The following PLAA variants were observed in gnomAD, a reference collection of about 807,000 sequenced individuals.
PLAA encodes phospholipase A-2-activating protein.
PLAA carries 48 observed loss-of-function variants against 84.1 expected under a neutral mutation model. That is an observed-to-expected ratio of 0.57 (90% CI 0.45 to 0.73). PLAA has a LOEUF of 0.73. Among genes scored for constraint, PLAA ranks in the 30% least tolerant of loss-of-function variants. PLAA has a pLI of 0.00. For missense variants in PLAA, 903 were observed against 954.7 expected (o/e 0.95, Z 0.71); for synonymous variants, 392 against 336.6 (o/e 1.16, Z -1.80).
At chr9:26,909,775 C>A (rs1824343363) in intron 12 of PLAA, among the ~76,000 whole-genome samples, 1 of 152,120 alleles carries the variant, frequency 6.6e-6, no homozygotes. Flanking sequence ...AGGCGCCCAC[C>A]ACCACGCCCG....
chr9:26,941,606 C>A (rs73433937), intron 1 of PLAA, among the ~76,000 whole-genome samples: 10,450 of 151,986 alleles, frequency 0.069, 402 homozygotes, highest in Middle Eastern at 0.15. Context: ...GAGAAAAAAA[C>A]CAATATGGAG....
At chr9:26,907,459 G>A (rs1824272349) in intron 13 of PLAA, among the ~76,000 whole-genome samples, 2 of 111,744 alleles carry the variant, frequency 1.8e-5, no homozygotes, top group Non-Finnish European at 3.7e-5. Context: ...AACCCGGGAG[G>A]CGGAGCTTGC....
chr9:26,922,139 T>G (rs948128293), intron 7 of PLAA, among the ~76,000 whole-genome samples: 1 of 152,210 alleles, frequency 6.6e-6, no homozygotes, highest in Non-Finnish European at 1.5e-5. Context: ...CACCACAGTA[T>G]TTTGACTTAC....
intron 1 of PLAA, among the ~76,000 whole-genome samples, chr9:26,939,426 TATAAATAA>T (rs1196552610): frequency 1.8e-5 from 2 of 112,528 alleles, no homozygotes; most frequent in African/African-American, 6.8e-5. Flanking sequence ...TAAACAAACA[TATAAATAA>T]ATAAATCAAC....
At chr9:26,911,240 C>T (rs1824389362) in intron 11 of PLAA, among the ~76,000 whole-genome samples, 1 of 152,130 alleles carries the variant, frequency 6.6e-6, no homozygotes, top group African/African-American at 2.4e-5. Context: ...GCAATCTCCA[C>T]CTCCTGAGTT....
At chr9:26,936,873 G>A (rs915966461) in intron 1 of PLAA, among the ~76,000 whole-genome samples, 3 of 152,152 alleles carry the variant, frequency 2.0e-5, no homozygotes, top group Non-Finnish European at 2.9e-5. Flanking sequence ...GGGCACAGTG[G>A]CTCATGCGTG....
Position 26,917,105 on chromosome 9 carries a change from G to C in PLAA, c.1478C>G (p.Pro493Arg). The C allele has an allele frequency of 6.2e-7, 1 of 1,613,356 alleles. No homozygotes were observed. Among genetic ancestry groups the C allele is most frequent in the Non-Finnish European group, 8.5e-7 (1 of 1,179,402 alleles). Reference protein sequence around the residue: ...GSSNTLPTADPFTGAGRYVPG... With the variant: ...GSSNTLPTADRFTGAGRYVPG... The stretch of plus-strand genomic sequence containing the variant: ...TCAAAACTACATCCCACCTGTAAAA[G>C]GATCTGCTGTGGGTAGTGTGTTAGA... Residue 493 changes from proline (P) to arginine (R), a missense_variant, in exon 10 of 14, where the codon CCT becomes CGT. Transcript: ENST00000397292.
Position 26,905,422 on chromosome 9 carries a change from CTCTT to C in PLAA, c.*85_*88del, listed in dbSNP as rs1257384814. The C allele has an allele frequency of 2.0e-6, 2 of 1,021,778 alleles. No individual in the cohort carries two copies. Among genetic ancestry groups the C allele is most frequent in the Non-Finnish European group, 1.4e-6 (1 of 693,616 alleles). The allele number at this position is 1,021,778 out of a possible 1,614,324, so 63.3% of individuals were successfully genotyped here. A position where few individuals can be genotyped will look rare whatever the true frequency, so the allele number is the denominator to read the frequency against. On this transcript the variant is annotated 3_prime_UTR_variant, in exon 14 of 14. Coordinates refer to ENST00000397292, the MANE Select transcript of PLAA (RefSeq NM_001031689.3). Reference sequence around the variant, plus strand: ...AAAATTTTACTTAATCCACCGTATTCTCTTTTTTTAATTATCTGTTATCAGTCAT... The same window carrying C: ...AAAATTTTACTTAATCCACCGTATTCTTTTTAATTATCTGTTATCAGTCAT...
At chr9:26,918,932 C>T (rs1824663392) in intron 9 of PLAA, among the ~76,000 whole-genome samples, 1 of 152,070 alleles carries the variant, frequency 6.6e-6, no homozygotes, top group Non-Finnish European at 1.5e-5. Flanking sequence ...TAAAACTACC[C>T]ATAGGGTTCA....
At chr9:26,941,114 T>C (rs1450201104) in intron 1 of PLAA, among the ~76,000 whole-genome samples, 1 of 147,270 alleles carries the variant, frequency 6.8e-6, no homozygotes, top group Non-Finnish European at 1.5e-5. Context: ...TAGCATTAAG[T>C]ATTTCTTAAA....
At chr9:26,943,131 C>T (rs1225942433) in intron 1 of PLAA, among the ~76,000 whole-genome samples, 1 of 152,068 alleles carries the variant, frequency 6.6e-6, no homozygotes, top group Non-Finnish European at 1.5e-5. Flanking sequence ...CTCTCCCCAC[C>T]CAGAAGTCAA....
intron 7 of PLAA, among the ~76,000 whole-genome samples, chr9:26,921,312 T>G (rs1200837487): frequency 6.6e-6 from 1 of 152,202 alleles, no homozygotes; most frequent in African/African-American, 2.4e-5. Flanking sequence ...CATGCTCTTC[T>G]TCCATTAGAT....
chr9:26,926,322 C>A, intron 5 of PLAA, 71 bp downstream of exon 5: 1 of 965,286 alleles, frequency 1.0e-6, no homozygotes, highest in Non-Finnish European at 1.6e-6. Context: ...GCTCTCCTCC[C>A]TCCATCTCAC....
chr9:26,945,541 G>C (rs1324865887), intron 1 of PLAA, among the ~76,000 whole-genome samples: 1 of 152,172 alleles, frequency 6.6e-6, no homozygotes, highest in African/African-American at 2.4e-5. Context: ...ATCTTGTGTT[G>C]ATTATACTAC....
At chr9:26,945,857 TAAAC>T (rs1825681600) in intron 1 of PLAA, among the ~76,000 whole-genome samples, 2 of 152,258 alleles carry the variant, frequency 1.3e-5, no homozygotes, top group Admixed American at 6.5e-5. Context: ...ATGTCAACTT[TAAAC>T]AAACAACTCC....
At chr9:26,910,491 G>T in intron 11 of PLAA, 52 bp from the exon 12 acceptor site, 1 of 1,382,288 alleles carries the variant, frequency 7.2e-7, no homozygotes, top group Non-Finnish European at 1.0e-6. Context: ...TCAAAAATGA[G>T]ATTTTTCTAA....
At chr9:26,920,763 C>T (rs968664278) in intron 7 of PLAA, among the ~76,000 whole-genome samples, 5 of 152,146 alleles carry the variant, frequency 3.3e-5, no homozygotes, top group Non-Finnish European at 7.4e-5. Context: ...ATCGCTCCTT[C>T]GGCTACTTCT....
chr9:26,911,737 T>A (rs10967595), intron 11 of PLAA, among the ~76,000 whole-genome samples: 7,382 of 152,286 alleles, frequency 0.048, 212 homozygotes, highest in South Asian at 0.098. Context: ...ATAATTTAAA[T>A]CTAATTTACA....
intron 6 of PLAA, among the ~76,000 whole-genome samples, chr9:26,924,640 T>G (rs1378605843): frequency 6.6e-6 from 1 of 152,208 alleles, no homozygotes; most frequent in Non-Finnish European, 1.5e-5. Context: ...CCTCAAACAC[T>G]TTTGACACTG....
Sources: gnomAD v4.1 joint callset for allele counts (sites outside exome capture counted in the v4.1 genomes callset) on GRCh38, gnomAD v4.1.1 for gene constraint, MANE v1.5 for transcripts, NCBI Gene and HGNC (gene_info 2026-07-23, HGNC 2026-07-21) for gene names.